MVK: variants seen among roughly 807,000 people sequenced by gnomAD.
The protein encoded by MVK is mevalonate kinase.
In MVK, 34 loss-of-function variants were observed where a neutral mutation model predicts 43.2. That is an observed-to-expected ratio of 0.79 (90% CI 0.60 to 1.05). MVK has a LOEUF of 1.05. Among genes scored for constraint, MVK ranks in the 50% least tolerant of loss-of-function variants. The pLI, the probability that MVK is intolerant of heterozygous loss-of-function variation, is 0.00. For missense variants in MVK, 395 were observed against 504.0 expected (o/e 0.78, Z 2.07); for synonymous variants, 190 against 219.8 (o/e 0.86, Z 1.20).
chr12:109,588,428 G>A (rs1885534002), intron 7 of MVK: 2 of 152,390 alleles, frequency 1.3e-5, no homozygotes, highest in Admixed American at 6.5e-5. Flanking sequence ...TGGGCACCGA[G>A]TGTACGGTCT....
At position 109,575,422 on chromosome 12, in the gene MVK, C is replaced by CT. The variant is rs1301316263; in HGVS notation, c.78+536dup. Among the ~76,000 whole-genome samples, 734 of 143,256 alleles carry CT rather than the reference C, an allele frequency of 5.1e-3. 1 individual carries two copies. The highest frequency in any genetic ancestry group is 0.011 in the African/African-American group (434 of 39,296). 94.0% of individuals were successfully genotyped at this position (143,256 alleles called of 152,430 possible). On this transcript the variant is annotated intron_variant, in intron 2 of 10. Coordinates refer to ENST00000228510, the MANE Select transcript of MVK (RefSeq NM_000431.4). ...CTGAAACCACCTCTGCTGCACTCTG[C>CT]TTTTTTTTTTTTTTCCTGAGACAGT...
At position 109,597,619 on chromosome 12, in the gene MVK, G is replaced by A. The variant is rs1036016170; in HGVS notation, c.*1042G>A. 3 of 152,426 alleles carry A rather than the reference G, an allele frequency of 2.0e-5. No individual in the cohort carries two copies. The highest frequency in any genetic ancestry group is 7.2e-5 in the African/African-American group (3 of 41,448). The allele number at this position is 152,426 out of a possible 1,614,324, so 9.4% of individuals were successfully genotyped here. Reference sequence around the variant, plus strand: ...ATGAACTGGCTGGATGGAGAAAACAGACTCAAATGTTCTGGCCCGGGTGCC... The same window carrying A: ...ATGAACTGGCTGGATGGAGAAAACAAACTCAAATGTTCTGGCCCGGGTGCC... On this transcript the variant is annotated 3_prime_UTR_variant, in exon 11 of 11. Transcript: ENST00000228510.
intron 1 of MVK, among the ~76,000 whole-genome samples, chr12:109,574,287 A>G (rs1159399519): frequency 2.6e-5 from 4 of 152,230 alleles, no homozygotes; most frequent in Admixed American, 1.3e-4. Flanking sequence ...TGTTTTCTGC[A>G]GCCTTGTTTA....
Position 109,596,700 on chromosome 12 carries a change from C to A in MVK, c.*123C>A. Reference sequence around the variant, plus strand: ...CCTGACACTGCTGGAGAGGCCCCAGCCGCTTGGCGATGCCAGCCAAGCTCT... The same window carrying A: ...CCTGACACTGCTGGAGAGGCCCCAGACGCTTGGCGATGCCAGCCAAGCTCT... On this transcript the variant is annotated 3_prime_UTR_variant, in exon 11 of 11. Transcript: ENST00000228510. The A allele has an allele frequency of 2.2e-6, 3 of 1,388,240 alleles. No homozygotes were observed. Among genetic ancestry groups the A allele is most frequent in the Non-Finnish European group, 3.0e-6 (3 of 1,012,892 alleles). 86.0% of individuals were successfully genotyped at this position (1,388,240 alleles called of 1,614,324 possible).
chr12:109,573,279 C>T, upstream of MVK: 1 of 1,598,690 alleles, frequency 6.3e-7, no homozygotes. Context: ...GGCGGTGTGA[C>T]GTACCCATGG....
At chr12:109,581,083 C>T (rs1181844838) in intron 4 of MVK, among the ~76,000 whole-genome samples, 1 of 152,076 alleles carries the variant, frequency 6.6e-6, no homozygotes, top group Non-Finnish European at 1.5e-5. Context: ...AGAGCAGGCC[C>T]ACAGAAAAGC....
At chr12:109,583,902 A>G (rs1885332263) in intron 5 of MVK, among the ~76,000 whole-genome samples, 1 of 152,212 alleles carries the variant, frequency 6.6e-6, no homozygotes, top group Non-Finnish European at 1.5e-5. Context: ...TTTGCTCCCT[A>G]CTAGGAGCTT....
intron 6 of MVK, among the ~76,000 whole-genome samples, chr12:109,586,386 G>A (rs905180876): frequency 6.6e-6 from 1 of 152,186 alleles, no homozygotes; most frequent in Non-Finnish European, 1.5e-5. Context: ...GTAGGTTCAG[G>A]ATGCAGAGCC....
At chr12:109,594,793 G>A (rs969515843) in intron 9 of MVK, among the ~76,000 whole-genome samples, 1 of 152,204 alleles carries the variant, frequency 6.6e-6, no homozygotes, top group African/African-American at 2.4e-5. Flanking sequence ...ACCAGCCCTA[G>A]GATATGTGCT....
intron 3 of MVK, among the ~76,000 whole-genome samples, chr12:109,576,556 G>A (rs1390245146): frequency 6.6e-6 from 1 of 151,978 alleles, no homozygotes; most frequent in Admixed American, 6.6e-5. Flanking sequence ...AGAATATATT[G>A]GCATTTTGTA....
Position 109,596,451 on chromosome 12 carries a change from C to T in MVK, c.1065C>T (p.Ala355=), listed in dbSNP as rs1566153736. 6.2e-7 allele frequency: 1 copy of T among 1,613,542 alleles called. No individual in the cohort carries two copies. The highest frequency in any genetic ancestry group is 1.3e-5 in the African/African-American group (1 of 74,938). The part of the protein sequence containing the change: ...KPGLEQPEVE[A]TKQALTSCGF... ...GGCTGGAGCAGCCAGAAGTGGAGGC[C>T]ACGAAGCAGGCCCTGACCAGCTGTG... The change falls in exon 11 of 11, where the codon GCC becomes GCT. Residue 355 remains alanine, a synonymous_variant. Coordinates refer to ENST00000228510, the MANE Select transcript of MVK (RefSeq NM_000431.4).
intron 5 of MVK, among the ~76,000 whole-genome samples, chr12:109,583,384 T>A (rs1163480260): frequency 2.0e-5 from 3 of 152,156 alleles, no homozygotes; most frequent in Non-Finnish European, 4.4e-5. Flanking sequence ...TTACTGAGAA[T>A]GATGATTTCC....
intron 7 of MVK, chr12:109,587,832 G>C (rs3782898): frequency 0.17 from 25,994 of 152,278 alleles, 2,309 homozygotes; most frequent in African/African-American, 0.19. Flanking sequence ...GTCAGCATTG[G>C]CACTATTGAG....
chr12:109,586,019 C>T lies in MVK; in HGVS notation c.528-3C>T, dbSNP rs1171617623. ...CAGTAAAGATGAACATCTGTGTCTT[C>T]AGGTGGACCAAGGAGGATTTGGAGC... is the stretch of plus-strand genomic sequence containing the variant. On this transcript the variant is annotated splice_region_variant and splice_polypyrimidine_tract_variant and intron_variant, in intron 5 of 10. Coordinates refer to ENST00000228510, the MANE Select transcript of MVK (RefSeq NM_000431.4). The T allele has an allele frequency of 6.2e-7, 1 of 1,612,546 alleles. No individual in the cohort carries two copies. The highest frequency in any genetic ancestry group is 1.7e-5 in the Admixed American group (1 of 60,028).
intron 5 of MVK, among the ~76,000 whole-genome samples, chr12:109,585,104 G>A (rs1885379100): frequency 6.6e-6 from 1 of 152,168 alleles, no homozygotes; most frequent in African/African-American, 2.4e-5. Flanking sequence ...TAAACTGTTT[G>A]TGAGCCCACA....
intron 10 of MVK, among the ~76,000 whole-genome samples, chr12:109,596,115 T>C (rs917019556): frequency 1.6e-4 from 25 of 152,146 alleles, no homozygotes; most frequent in Admixed American, 1.5e-3. Context: ...CATTCCCAGA[T>C]GAGGAGACTG....
At chr12:109,578,247 T>C (rs989087608) in intron 3 of MVK, among the ~76,000 whole-genome samples, 16 of 151,516 alleles carry the variant, frequency 1.1e-4, no homozygotes, top group Admixed American at 1.1e-3. Flanking sequence ...TCCCTCCTGA[T>C]AGTAATAAAC....
chr12:109,582,278 T>TTTTTG (rs767866132), intron 5 of MVK, among the ~76,000 whole-genome samples: 46 of 150,170 alleles, frequency 3.1e-4, no homozygotes, highest in Middle Eastern at 3.4e-3. Context: ...CCTGGGCTTG[T>TTTTTG]TTTTGTTTTG....
intron 9 of MVK, among the ~76,000 whole-genome samples, chr12:109,593,152 G>A (rs959052017): frequency 6.6e-5 from 10 of 152,246 alleles, no homozygotes; most frequent in South Asian, 4.1e-4. Context: ...CCTCGGCAAC[G>A]TGACACCTGG....
Sources: allele counts gnomAD v4.1 joint callset (sites outside exome capture counted in the v4.1 genomes callset), GRCh38; gene constraint gnomAD v4.1.1; transcripts MANE v1.5; gene names NCBI Gene and HGNC (gene_info 2026-07-23, HGNC 2026-07-21).